Variants in GRIA1 observed in about 807,000 individuals in gnomAD.
The protein encoded by GRIA1 is glutamate ionotropic receptor AMPA type subunit 1.
GRIA1 carries 31 observed loss-of-function variants against 99.2 expected under a neutral mutation model. That is an observed-to-expected ratio of 0.31 (90% confidence interval 0.23 to 0.42). The LOEUF (loss-of-function observed/expected upper bound fraction) is 0.42. GRIA1 is among the 10% of genes least tolerant of loss of function. The pLI, the probability that GRIA1 is intolerant of heterozygous loss-of-function variation, is 1.00. For missense variants in GRIA1, 782 were observed against 1,157.5 expected, an observed-to-expected ratio of 0.68 and a Z score of 4.71; for synonymous variants, 438 against 432.4, an observed-to-expected ratio of 1.01 and a Z score of -0.16.
At chr5:153,753,365 G>A (rs1240599697) in intron 11 of GRIA1, among the ~76,000 whole-genome samples, 10 of 152,232 alleles carry the variant, frequency 6.6e-5, no homozygotes, top group African/African-American at 2.4e-4. Context: ...GGGCTTTGAA[G>A]AAGTCAGTGC....
chr5:153,654,379 A>C (rs1754785643), intron 4 of GRIA1, among the ~76,000 whole-genome samples: 1 of 152,116 alleles, frequency 6.6e-6, no homozygotes, highest in Non-Finnish European at 1.5e-5. Flanking sequence ...ATATTTCTCC[A>C]TTGCCTGAAT....
chr5:153,623,765 C>T (rs1275243237), intron 2 of GRIA1, among the ~76,000 whole-genome samples: 1 of 152,150 alleles, frequency 6.6e-6, no homozygotes, highest in Non-Finnish European at 1.5e-5. Flanking sequence ...ATTCAACATG[C>T]ATAATGGCTC....
intron 11 of GRIA1, among the ~76,000 whole-genome samples, chr5:153,713,752 C>A (rs553461668): frequency 6.6e-6 from 1 of 152,154 alleles, no homozygotes; most frequent in African/African-American, 2.4e-5. Flanking sequence ...TTTTAATTGA[C>A]GGAGAGATTT....
chr5:153,640,447 A>G (rs1424344953), intron 2 of GRIA1, among the ~76,000 whole-genome samples: 2 of 152,146 alleles, frequency 1.3e-5, no homozygotes, highest in African/African-American at 4.8e-5. Flanking sequence ...GTCCCCACCC[A>G]TCTCCAACTC....
At chr5:153,623,491 A>G (rs1767270345) in intron 2 of GRIA1, among the ~76,000 whole-genome samples, 1 of 152,200 alleles carries the variant, frequency 6.6e-6, no homozygotes, top group Non-Finnish European at 1.5e-5. Context: ...AAAAGAGAAT[A>G]AAGTTTCCTG....
chr5:153,692,110 G>A (rs1194845038), intron 8 of GRIA1, among the ~76,000 whole-genome samples: 1 of 151,994 alleles, frequency 6.6e-6, no homozygotes, highest in Non-Finnish European at 1.5e-5. Flanking sequence ...TCCTTTACCT[G>A]GCATTTTCTA....
At chr5:153,592,793 G>A (rs1241375706) in intron 2 of GRIA1, among the ~76,000 whole-genome samples, 1 of 152,192 alleles carries the variant, frequency 6.6e-6, no homozygotes, top group Non-Finnish European at 1.5e-5. Flanking sequence ...TGGAGGCTGG[G>A]AAGTACAAGA....
intron 11 of GRIA1, among the ~76,000 whole-genome samples, chr5:153,730,412 AT>A (rs1279048067): frequency 2.6e-5 from 4 of 152,136 alleles, no homozygotes; most frequent in Non-Finnish European, 5.9e-5. Context: ...AATAAATAGT[AT>A]TTTATTAGCA....
chr5:153,512,908 T>C (rs948935721), intron 2 of GRIA1, among the ~76,000 whole-genome samples: 1 of 152,130 alleles, frequency 6.6e-6, no homozygotes, highest in African/African-American at 2.4e-5. Context: ...CATAATGGAT[T>C]AATACTCTAT....
At chr5:153,710,841 G>C (rs1207508566) in intron 11 of GRIA1, among the ~76,000 whole-genome samples, 1 of 152,172 alleles carries the variant, frequency 6.6e-6, no homozygotes, top group Non-Finnish European at 1.5e-5. Context: ...TGTAAGTTGG[G>C]ATGTGCTATG....
At chr5:153,709,206 C>T (rs1759133350) in intron 11 of GRIA1, among the ~76,000 whole-genome samples, 1 of 152,150 alleles carries the variant, frequency 6.6e-6, no homozygotes, top group South Asian at 2.1e-4. Flanking sequence ...TTCTGATATG[C>T]ACAGCACTAT....
chr5:153,795,676 G>A (rs1218910962), intron 14 of GRIA1: 2 of 750,266 alleles, frequency 2.7e-6, no homozygotes, highest in Non-Finnish European at 2.2e-6. Context: ...AGAGAGGCTT[G>A]GAGGCCTTAG....
At chr5:153,725,951 C>T (rs1332889492) in intron 11 of GRIA1, among the ~76,000 whole-genome samples, 5 of 141,170 alleles carry the variant, frequency 3.5e-5, no homozygotes, top group African/African-American at 8.0e-5. Context: ...TTTTCAGCAC[C>T]GCACCACACC....
chr5:153,491,343 A>T, intron 1 of GRIA1: 1 of 1,127,010 alleles, frequency 8.9e-7, no homozygotes, highest in Non-Finnish European at 1.1e-6. Context: ...GTAAGTATGT[A>T]TGGTGTGTGT....
At chr5:153,790,297 C>CA (rs1338428113) in intron 13 of GRIA1, among the ~76,000 whole-genome samples, 1 of 151,998 alleles carries the variant, frequency 6.6e-6, no homozygotes, top group African/African-American at 2.4e-5. Flanking sequence ...TTTTTCGAGA[C>CA]AAAAAATGAC....
chr5:153,576,882 G>C (rs1467494465), intron 2 of GRIA1, among the ~76,000 whole-genome samples: 2 of 152,076 alleles, frequency 1.3e-5, no homozygotes, highest in African/African-American at 2.4e-5. Context: ...AGTTGCTAGA[G>C]CTTTAGAGAT....
In GRIA1 at chr5:153,778,175, CAGAG is replaced by C. The variant is rs1313488385; in HGVS notation, c.2270+7775_2270+7778del. On this transcript the variant is annotated intron_variant, in intron 13 of 15. Transcript: ENST00000285900. The stretch of plus-strand genomic sequence containing the variant: ...CAAAGGAAGGAGGGAGGCAGAGAGA[CAGAG>C]AGAGAGAGAGAGAGTGTGTGTGTGT... 2.9e-3 allele frequency among the ~76,000 whole-genome samples: 428 copies of C among 146,316 alleles called. 3 individuals carry two copies. The highest frequency in any genetic ancestry group is 0.01 in the African/African-American group (396 of 39,324).
intron 11 of GRIA1, among the ~76,000 whole-genome samples, chr5:153,745,012 A>C (rs1419908723): frequency 6.6e-6 from 1 of 152,158 alleles, no homozygotes; most frequent in Non-Finnish European, 1.5e-5. Flanking sequence ...CTTCGGAGGC[A>C]ATACTTGACT....
At chr5:153,759,801 A>C (rs760329869) in intron 11 of GRIA1, among the ~76,000 whole-genome samples, 2 of 152,104 alleles carry the variant, frequency 1.3e-5, no homozygotes, top group Non-Finnish European at 2.9e-5. Flanking sequence ...TCCTCCACAA[A>C]ATACTAGCAA....
Sources: gnomAD v4.1 joint callset for allele counts (sites outside exome capture counted in the v4.1 genomes callset) on GRCh38, gnomAD v4.1.1 for gene constraint, MANE v1.5 for transcripts, NCBI Gene and HGNC (gene_info 2026-07-23, HGNC 2026-07-21) for gene names.